The following SCD5 variants were observed in gnomAD, a reference collection of about 807,000 sequenced individuals.
The protein encoded by SCD5 is stearoyl-CoA desaturase 5.
A neutral mutation model predicts 30.4 loss-of-function variants in SCD5; 20 were observed. That is an observed-to-expected ratio of 0.66 (90% CI 0.46 to 0.96). The LOEUF is 0.96. Among genes scored for constraint, SCD5 ranks in the 40% least tolerant of loss-of-function variants. SCD5 has a pLI of 0.00. For missense variants in SCD5, 381 were observed against 443.3 expected (o/e 0.86, Z 1.26); for synonymous variants, 173 against 176.4 (o/e 0.98, Z 0.16).
At chr4:82,700,782 G>A (rs1719813864) in intron 2 of SCD5, among the ~76,000 whole-genome samples, 2 of 98,636 alleles carry the variant, frequency 2.0e-5, no homozygotes, top group African/African-American at 3.7e-5. Context: ...GTGAGACCCT[G>A]TCTCTAAAAA....
rs188401991 is a variant in SCD5, at chr4:82,792,520, G to A, written c.232+5786C>T. ...ATCCCAAGAGTTCAAGACCAGCCCTGGCAACATAGTGAGACCCCCATCTCT... is the reference window on the plus strand; with the variant it reads ...ATCCCAAGAGTTCAAGACCAGCCCTAGCAACATAGTGAGACCCCCATCTCT... On this transcript the variant is annotated intron_variant, in intron 1 of 4. Transcript: ENST00000319540. 1.8e-4 allele frequency among the ~76,000 whole-genome samples: 27 copies of A among 152,268 alleles called. 1 individual carries two copies. In the East Asian group the frequency reaches 3.3e-3, roughly 19 times the overall value.
intron 2 of SCD5, among the ~76,000 whole-genome samples, chr4:82,683,210 T>G (rs1360086610): frequency 1.3e-5 from 2 of 152,356 alleles, no homozygotes; most frequent in African/African-American, 4.8e-5. Flanking sequence ...GTCTTTAGAT[T>G]TTACAGTGTA....
At chr4:82,775,591 T>C (rs560359738) in intron 1 of SCD5, 2 of 152,440 alleles carry the variant, frequency 1.3e-5, no homozygotes, top group South Asian at 4.1e-4. Flanking sequence ...CCAGGTGTGG[T>C]GGCTCATGTC....
intron 1 of SCD5, among the ~76,000 whole-genome samples, chr4:82,729,728 T>A (rs1299122491): frequency 6.6e-6 from 1 of 152,188 alleles, no homozygotes; most frequent in Non-Finnish European, 1.5e-5. Context: ...AAGAGCTCTC[T>A]GCCCTCCCCC....
chr4:82,712,465 G>A (rs1012947632), intron 1 of SCD5, among the ~76,000 whole-genome samples: 21 of 149,816 alleles, frequency 1.4e-4, no homozygotes, highest in African/African-American at 4.9e-4. Context: ...TTACAGGCGT[G>A]TGCCATCACG....
At chr4:82,681,473 C>G (rs1278799895) in intron 2 of SCD5, among the ~76,000 whole-genome samples, 8 of 152,050 alleles carry the variant, frequency 5.3e-5, no homozygotes, top group African/African-American at 1.7e-4. Context: ...GTTGTTCTGT[C>G]CAGATCTTTG....
chr4:82,650,857 T>C (rs1385914357), intron 3 of SCD5, among the ~76,000 whole-genome samples: 1 of 151,672 alleles, frequency 6.6e-6, no homozygotes, highest in Non-Finnish European at 1.5e-5. Context: ...ATATAAAATA[T>C]ATGCATATTT....
chr4:82,782,144 A>G (rs1438877558), intron 1 of SCD5, among the ~76,000 whole-genome samples: 1 of 151,064 alleles, frequency 6.6e-6, no homozygotes, highest in African/African-American at 2.4e-5. Context: ...ATTTAGTCCC[A>G]TGAAGAACTG....
chr4:82,695,059 C>G (rs921057986), intron 2 of SCD5, among the ~76,000 whole-genome samples: 5 of 132,416 alleles, frequency 3.8e-5, no homozygotes, highest in Non-Finnish European at 6.3e-5. Context: ...GTGGGGACAG[C>G]CATGTGGAGC....
intron 3 of SCD5, among the ~76,000 whole-genome samples, chr4:82,645,940 G>T (rs193142761): frequency 6.6e-6 from 1 of 152,118 alleles, no homozygotes; most frequent in African/African-American, 2.4e-5. Flanking sequence ...GTCTGCAAGC[G>T]TTTTCCTACT....
intron 1 of SCD5, among the ~76,000 whole-genome samples, chr4:82,724,302 A>G (rs1395607248): frequency 6.6e-6 from 1 of 152,236 alleles, no homozygotes. Flanking sequence ...ATAGATGGCC[A>G]GCATGAGAAA....
At chr4:82,778,418 T>C (rs1278409210) in intron 1 of SCD5, among the ~76,000 whole-genome samples, 2 of 152,190 alleles carry the variant, frequency 1.3e-5, no homozygotes, top group African/African-American at 4.8e-5. Context: ...ACATGTATTA[T>C]TTACAGTTCT....
Position 82,631,471 on chromosome 4 carries a change from A to G in SCD5, c.849T>C (p.Ser283=). The G allele has an allele frequency of 6.2e-7, 1 of 1,614,238 alleles. No individual in the cohort carries two copies. Among genetic ancestry groups the G allele is most frequent in the Non-Finnish European group, 8.5e-7 (1 of 1,180,050 alleles). The stretch of plus-strand genomic sequence containing the variant: ...TAAAATTTAAGCCAAATTCACTCGC[A>G]GAGTAGTCAAAGGGAAAGGTGTGAT... ...NYHHTFPFDY[S]ASEFGLNFNP... Residue 283 remains serine (S), a synonymous_variant, in exon 5 of 5, where the codon TCT becomes TCC. Transcript: ENST00000319540.
intron 1 of SCD5, among the ~76,000 whole-genome samples, chr4:82,746,897 C>G (rs1720995866): frequency 1.3e-5 from 2 of 152,030 alleles, no homozygotes; most frequent in Non-Finnish European, 2.9e-5. Context: ...TGGCCTACCA[C>G]ACCCCCAATC....
chr4:82,662,560 T>TA lies in SCD5; in HGVS notation c.569+18146dup, dbSNP rs1264416679. ...ATCATCATACCATTATTATAATGGT[T>TA]AAAAAAAAAAAAGATGGGGCCGGGT... On this transcript the variant is annotated intron_variant, in intron 3 of 4. Transcript: ENST00000319540. Among the ~76,000 whole-genome samples the TA allele has an allele frequency of 2.0e-3, 290 of 143,404 alleles. 1 individual carries two copies. The highest frequency in any genetic ancestry group is 4.2e-3 in the African/African-American group (167 of 39,408). The allele number at this position is 143,404 out of a possible 152,430, so 94.1% of individuals were successfully genotyped here.
chr4:82,732,194 G>A lies in SCD5; in HGVS notation c.233-26781C>T, dbSNP rs1025059458. Among the ~76,000 whole-genome samples, 7 of 151,922 alleles carry A rather than the reference G, an allele frequency of 4.6e-5. 1 individual carries two copies. The highest frequency in any genetic ancestry group is 1.9e-4 in the East Asian group (1 of 5,180). On this transcript the variant is annotated intron_variant, in intron 1 of 4. Transcript: ENST00000319540. ...CAGCTCACTGCAACCTCTGCCTCCC[G>A]AGTTCAAGCGATTCTCCTGCCTCAG... is the stretch of plus-strand genomic sequence containing the variant.
At chr4:82,642,277 T>C (rs557656577) in intron 3 of SCD5, among the ~76,000 whole-genome samples, 1 of 152,338 alleles carries the variant, frequency 6.6e-6, no homozygotes, top group East Asian at 1.9e-4. Context: ...GAATGTCTGA[T>C]GCCTCTAGTA....
At chr4:82,714,199 A>G (rs1177697701) in intron 1 of SCD5, among the ~76,000 whole-genome samples, 1 of 152,120 alleles carries the variant, frequency 6.6e-6, no homozygotes, top group Non-Finnish European at 1.5e-5. Context: ...TCTTGACCCC[A>G]CTTCCCCACC....
At chr4:82,781,056 G>A (rs1239815169) in intron 1 of SCD5, among the ~76,000 whole-genome samples, 1 of 152,200 alleles carries the variant, frequency 6.6e-6, no homozygotes, top group Non-Finnish European at 1.5e-5. Flanking sequence ...CCAGAGGAGG[G>A]CTGGAGAAGC....
Sources: allele counts gnomAD v4.1 joint callset (sites outside exome capture counted in the v4.1 genomes callset), GRCh38; gene constraint gnomAD v4.1.1; transcripts MANE v1.5; gene names NCBI Gene and HGNC (gene_info 2026-07-23, HGNC 2026-07-21).